PNKD: variants seen among roughly 807,000 people sequenced by gnomAD.
The protein encoded by PNKD is probable thioesterase PNKD.
In PNKD, 36 loss-of-function variants were observed where a neutral mutation model predicts 45.3. That is an observed-to-expected ratio of 0.80 (90% CI 0.61 to 1.05). PNKD has a LOEUF of 1.05. Among genes scored for constraint, PNKD ranks in the 50% least tolerant of loss-of-function variants. The probability of loss-of-function intolerance (pLI) is 0.00; values close to 1 mark genes in which losing one functional copy is unlikely to be tolerated. For synonymous variants in PNKD, 197 were observed against 210.1 expected, an observed-to-expected ratio of 0.94 and a Z score of 0.54; for missense variants, 511 against 506.6, an observed-to-expected ratio of 1.01 and a Z score of -0.08.
intron 2 of PNKD, among the ~76,000 whole-genome samples, chr2:218,317,088 A>G (rs911435520): frequency 1.3e-5 from 2 of 152,194 alleles, no homozygotes; most frequent in African/African-American, 4.8e-5. Context: ...ATCAGGGAAA[A>G]GGACATTGGA....
intron 2 of PNKD, among the ~76,000 whole-genome samples, chr2:218,324,589 T>C (rs112666482): frequency 6.6e-6 from 1 of 152,196 alleles, no homozygotes; most frequent in Admixed American, 6.5e-5. Flanking sequence ...GTTTAGATAA[T>C]GTGCCAAGTA....
chr2:218,309,418 A>T (rs1270332625), intron 2 of PNKD, among the ~76,000 whole-genome samples: 1 of 442 alleles, frequency 2.3e-3, no homozygotes, highest in African/African-American at 4.5e-3. Flanking sequence ...CTCCGCCTCA[A>T]AAAAAAAAAA....
chr2:218,296,473 G>A (rs1312808015), intron 2 of PNKD, among the ~76,000 whole-genome samples: 4 of 152,144 alleles, frequency 2.6e-5, no homozygotes, highest in African/African-American at 7.2e-5. Flanking sequence ...TGAAGGACAT[G>A]GGCAGGAAAA....
At chr2:218,278,337 C>CTCCTAAACACACATGG in intron 2 of PNKD, 1 of 662,118 alleles carries the variant, frequency 1.5e-6, no homozygotes, top group Admixed American at 2.7e-5. Flanking sequence ...AGCTAGTTAG[C>CTCCTAAACACACATGG]TCCTAAACAC....
At chr2:218,272,751 G>T (rs1195274465) in intron 2 of PNKD, 2 of 1,614,056 alleles carry the variant, frequency 1.2e-6, no homozygotes, top group Non-Finnish European at 8.5e-7. Context: ...TGGGTCTGGG[G>T]TGCAGACCTG....
At position 218,273,125 on chromosome 2, in the gene PNKD, G is replaced by A. The variant is rs373340416; in HGVS notation, c.236+1576G>A. 2.6e-5 allele frequency among the ~76,000 whole-genome samples: 4 copies of A among 152,334 alleles called. No individual in the cohort carries two copies. The East Asian group carries it at 5.8e-4, about 22-fold the overall frequency. On this transcript the variant is annotated intron_variant, in intron 2 of 9. Coordinates refer to ENST00000273077, the MANE Select transcript of PNKD (RefSeq NM_015488.5). The stretch of plus-strand genomic sequence containing the variant: ...TCGGGACCAAGCCCTCAGAGCTGCC[G>A]GCCAGGAGGGTGGGGTCCCGCTCAG...
chr2:218,329,200 C>T (rs1347372513), intron 2 of PNKD, among the ~76,000 whole-genome samples: 1 of 152,084 alleles, frequency 6.6e-6, no homozygotes, highest in Non-Finnish European at 1.5e-5. Context: ...CAGAGCAAGA[C>T]TCTGTGTCAA....
At chr2:218,324,923 G>A in intron 2 of PNKD, among the ~76,000 whole-genome samples, 1 of 147,570 alleles carries the variant, frequency 6.8e-6, no homozygotes, top group African/African-American at 2.6e-5. Flanking sequence ...GCGACAGAGT[G>A]AGACTCCGTC....
chr2:218,323,551 G>C, intron 2 of PNKD: 1 of 954,352 alleles, frequency 1.0e-6, no homozygotes, highest in Non-Finnish European at 1.5e-6. Context: ...CTTGGTCTAA[G>C]GGAAGAGGGA....
intron 2 of PNKD, chr2:218,276,153 C>T (rs373122426): frequency 3.7e-5 from 56 of 1,523,798 alleles, no homozygotes; most frequent in Admixed American, 9.4e-5. Context: ...CAGCTTCCCC[C>T]GGGATAGTGG....
At chr2:218,287,562 T>A (rs1190963136) in intron 2 of PNKD, among the ~76,000 whole-genome samples, 4 of 151,854 alleles carry the variant, frequency 2.6e-5, no homozygotes, top group African/African-American at 4.8e-5. Flanking sequence ...TACAAAAAAT[T>A]AGCTGGGCGT....
intron 2 of PNKD, chr2:218,278,423 A>G: frequency 2.3e-6 from 3 of 1,285,358 alleles, no homozygotes; most frequent in East Asian, 2.3e-5. Context: ...GTTTCCATTC[A>G]GCTGCTATAA....
chr2:218,341,699 G>A (rs1694682246), intron 6 of PNKD, 73 bp downstream of exon 6: 1 of 1,158,508 alleles, frequency 8.6e-7, no homozygotes, highest in Admixed American at 2.0e-5. Flanking sequence ...TCAGTGAAGT[G>A]TTTCAGGGGT....
At chr2:218,275,770 A>C in intron 2 of PNKD, 1 of 1,035,356 alleles carries the variant, frequency 9.7e-7, no homozygotes, top group South Asian at 1.7e-5. Context: ...TCTATACTGT[A>C]GCTGCTCACA....
At chr2:218,343,725 G>A in intron 8 of PNKD, 139 bp downstream of exon 8, 3 of 696,080 alleles carry the variant, frequency 4.3e-6, no homozygotes, top group Non-Finnish European at 7.8e-6. Flanking sequence ...ACCTCTAGGG[G>A]TAGGGACAGA....
In PNKD at chr2:218,341,580, T is replaced by C; in HGVS notation, c.571T>C (p.Cys191Arg). The change falls in exon 6 of 10, where the codon TGT becomes CGT. Residue 191 changes from cysteine (C) to arginine (R), a missense_variant. Coordinates refer to ENST00000273077, the MANE Select transcript of PNKD (RefSeq NM_015488.5). ...TGACCTCAGCCGGCGGCACCGGGACTGTCGGGTGTACGGGAGCCCTCAGGA... is the reference window on the plus strand; with the variant it reads ...TGACCTCAGCCGGCGGCACCGGGACCGTCGGGTGTACGGGAGCCCTCAGGA... ...NRDLSRRHRDCRVYGSPQDGI... is the reference protein window; with the variant it reads ...NRDLSRRHRDRRVYGSPQDGI... The C allele has an allele frequency of 6.3e-7, 1 of 1,599,898 alleles. No homozygotes were observed. The highest frequency in any genetic ancestry group is 8.5e-7 in the Non-Finnish European group (1 of 1,173,556).
At chr2:218,306,272 A>G (rs549649123) in intron 2 of PNKD, among the ~76,000 whole-genome samples, 2 of 152,306 alleles carry the variant, frequency 1.3e-5, no homozygotes, top group East Asian at 1.9e-4. Context: ...ACTGATGGCT[A>G]GGGGCTGCAG....
chr2:218,332,935 C>A (rs1694372642), intron 2 of PNKD, among the ~76,000 whole-genome samples: 1 of 152,170 alleles, frequency 6.6e-6, no homozygotes, highest in South Asian at 2.1e-4. Context: ...GGCCTCCTGA[C>A]AATTCCTAAA....
intron 2 of PNKD, among the ~76,000 whole-genome samples, chr2:218,330,510 T>A (rs1342653747): frequency 6.6e-6 from 1 of 152,172 alleles, no homozygotes; most frequent in African/African-American, 2.4e-5. Flanking sequence ...ACTTTGACCC[T>A]ACACTGGAGG....
Sources: allele counts gnomAD v4.1 joint callset (sites outside exome capture counted in the v4.1 genomes callset), GRCh38; gene constraint gnomAD v4.1.1; transcripts MANE v1.5; gene names NCBI Gene and HGNC (gene_info 2026-07-23, HGNC 2026-07-21).